CORIN: variants seen among roughly 807,000 people sequenced by gnomAD.
CORIN encodes corin, serine peptidase, also known as atrial natriuretic peptide-converting enzyme.
In CORIN, 117 loss-of-function variants were observed where a neutral mutation model predicts 125.3. The observed-to-expected ratio is 0.93, with a 90% CI of 0.80 to 1.09. The LOEUF (loss-of-function observed/expected upper bound fraction) is 1.09. CORIN is among the 50% of genes least tolerant of loss of function. CORIN has a pLI of 0.00. For missense variants in CORIN, 1,253 were observed against 1,306.7 expected (o/e 0.96, Z 0.63); for synonymous variants, 450 against 466.4 (o/e 0.96, Z 0.45).
chr4:47,832,410 T>C (rs945442578), intron 1 of CORIN, among the ~76,000 whole-genome samples: 1 of 151,752 alleles, frequency 6.6e-6, no homozygotes, highest in Admixed American at 6.6e-5. Context: ...AGGAAAACTT[T>C]TTCTTTTCTT....
chr4:47,720,950 T>C (rs1727315560), intron 5 of CORIN, among the ~76,000 whole-genome samples: 1 of 152,160 alleles, frequency 6.6e-6, no homozygotes, highest in African/African-American at 2.4e-5. Context: ...TCACTTAATC[T>C]CCCTATCAGT....
At chr4:47,693,205 C>G in intron 5 of CORIN, 122 bp from the exon 6 acceptor site, 1 of 688,078 alleles carries the variant, frequency 1.5e-6, no homozygotes, top group Non-Finnish European at 2.5e-6. Context: ...TCCAAATTCC[C>G]TCAGTTTTAT....
chr4:47,738,604 G>A (rs1728239700), intron 5 of CORIN, among the ~76,000 whole-genome samples: 1 of 152,180 alleles, frequency 6.6e-6, no homozygotes, highest in African/African-American at 2.4e-5. Context: ...TCAACTTGCA[G>A]AGTTGAACAT....
chr4:47,702,707 C>T (rs1054535915), intron 5 of CORIN, among the ~76,000 whole-genome samples: 28 of 151,856 alleles, frequency 1.8e-4, no homozygotes, highest in African/African-American at 6.3e-4. Context: ...ATTATGTATC[C>T]TGAGAACCAG....
At chr4:47,696,303 C>A (rs980097851) in intron 5 of CORIN, among the ~76,000 whole-genome samples, 20 of 152,132 alleles carry the variant, frequency 1.3e-4, no homozygotes, top group African/African-American at 4.6e-4. Flanking sequence ...AATCTTGAAA[C>A]TATTTCCACT....
intron 16 of CORIN, among the ~76,000 whole-genome samples, chr4:47,634,334 G>A (rs1324045684): frequency 6.6e-6 from 1 of 152,042 alleles, no homozygotes; most frequent in African/African-American, 2.4e-5. Flanking sequence ...TCTCTCCCAG[G>A]TCCAATCAAA....
intron 1 of CORIN, among the ~76,000 whole-genome samples, chr4:47,810,166 T>TTTTG (rs139290660): frequency 6.6e-6 from 1 of 151,988 alleles, no homozygotes; most frequent in African/African-American, 2.4e-5. Context: ...GGTTTTGGGC[T>TTTTG]TTTGTTTGTT....
chr4:47,692,567 A>T (rs565651156), intron 6 of CORIN, among the ~76,000 whole-genome samples: 2 of 152,134 alleles, frequency 1.3e-5, no homozygotes, highest in Middle Eastern at 6.8e-3. Context: ...AAAAAAAAAC[A>T]AGAGGCTTTG....
chr4:47,733,925 C>A (rs1200217066), intron 5 of CORIN, among the ~76,000 whole-genome samples: 2 of 152,106 alleles, frequency 1.3e-5, no homozygotes, highest in African/African-American at 4.8e-5. Context: ...CAGAGCTAAG[C>A]ATTGGGAAAA....
At chr4:47,601,297 C>T (rs1262748062) in intron 20 of CORIN, among the ~76,000 whole-genome samples, 2 of 149,898 alleles carry the variant, frequency 1.3e-5, no homozygotes, top group Non-Finnish European at 3.0e-5. Flanking sequence ...TCAGTCAGGT[C>T]TTTCTGACTG....
At chr4:47,752,283 A>G (rs1728937303) in intron 4 of CORIN, among the ~76,000 whole-genome samples, 1 of 152,124 alleles carries the variant, frequency 6.6e-6, no homozygotes, top group Non-Finnish European at 1.5e-5. Context: ...CTTACTGCCT[A>G]TCTCTCACCG....
At chr4:47,721,289 A>C (rs1727338156) in intron 5 of CORIN, among the ~76,000 whole-genome samples, 1 of 147,858 alleles carries the variant, frequency 6.8e-6, no homozygotes, top group Non-Finnish European at 1.5e-5. Flanking sequence ...TTTTTTTTTG[A>C]GACGGAGTCT....
chr4:47,795,233 A>T (rs954877876), intron 2 of CORIN, among the ~76,000 whole-genome samples: 4 of 152,094 alleles, frequency 2.6e-5, no homozygotes, highest in Non-Finnish European at 5.9e-5. Context: ...TGATGCCTCT[A>T]TCTTTGTCGT....
intron 12 of CORIN, among the ~76,000 whole-genome samples, chr4:47,655,016 C>G (rs1723908913): frequency 1.3e-5 from 2 of 151,942 alleles, no homozygotes; most frequent in Non-Finnish European, 2.9e-5. Flanking sequence ...GAGTCCTGTC[C>G]TAAGGCCCCC....
At chr4:47,732,649 C>T (rs1247710233) in intron 5 of CORIN, among the ~76,000 whole-genome samples, 5 of 151,818 alleles carry the variant, frequency 3.3e-5, no homozygotes, top group African/African-American at 4.8e-5. Flanking sequence ...CTGCAACCTC[C>T]GCCTCCCAGG....
intron 3 of CORIN, among the ~76,000 whole-genome samples, chr4:47,783,689 T>C (rs1196377448): frequency 6.6e-6 from 1 of 152,094 alleles, no homozygotes; most frequent in Non-Finnish European, 1.5e-5. Context: ...TCAGTGTTAA[T>C]ACAGATCTAA....
chr4:47,766,494 C>G (rs1729747607), intron 3 of CORIN, among the ~76,000 whole-genome samples: 1 of 152,106 alleles, frequency 6.6e-6, no homozygotes, highest in Non-Finnish European at 1.5e-5. Flanking sequence ...ATGGCCACAT[C>G]TAGTTGCATG....
intron 5 of CORIN, among the ~76,000 whole-genome samples, chr4:47,701,968 T>C (rs1035522729): frequency 2.0e-5 from 3 of 152,158 alleles, no homozygotes; most frequent in African/African-American, 7.2e-5. Flanking sequence ...CTAAAAAACA[T>C]GGGCAATTTT....
intron 19 of CORIN, among the ~76,000 whole-genome samples, chr4:47,605,733 CAGA>C (rs1721622382): frequency 6.6e-6 from 1 of 152,142 alleles, no homozygotes; most frequent in Non-Finnish European, 1.5e-5. Flanking sequence ...CACTTCTAAA[CAGA>C]AGCTCATGGA....
Sources: gnomAD v4.1 joint callset for allele counts (sites outside exome capture counted in the v4.1 genomes callset) on GRCh38, gnomAD v4.1.1 for gene constraint, MANE v1.5 for transcripts, NCBI Gene and HGNC (gene_info 2026-07-23, HGNC 2026-07-21) for gene names.